The following CAMK1D variants were observed in gnomAD, a reference collection of about 807,000 sequenced individuals.
The protein encoded by CAMK1D is calcium/calmodulin-dependent protein kinase type 1D.
CAMK1D carries 9 observed loss-of-function variants against 47.7 expected under a neutral mutation model. The ratio of observed to expected loss-of-function variants is 0.19; its 90% CI spans 0.11 to 0.33. The LOEUF (loss-of-function observed/expected upper bound fraction) is 0.33, where lower values mean the gene tolerates loss of function less well. Ranked by LOEUF, CAMK1D falls within the 10% of genes least tolerant of loss-of-function variation. The pLI is 1.00. For synonymous variants in CAMK1D, 184 were observed against 184.9 expected, an observed-to-expected ratio of 0.99 and a Z score of 0.04; for missense variants, 291 against 488.7, an observed-to-expected ratio of 0.60 and a Z score of 3.81.
chr10:12,763,121 G>T (rs1836582438), intron 4 of CAMK1D, among the ~76,000 whole-genome samples: 1 of 152,172 alleles, frequency 6.6e-6, no homozygotes, highest in Non-Finnish European at 1.5e-5. Flanking sequence ...TCCATCCTGT[G>T]GAGCCTTAAG....
intron 1 of CAMK1D, among the ~76,000 whole-genome samples, chr10:12,448,822 G>T (rs1016767570): frequency 1.1e-4 from 16 of 152,262 alleles, no homozygotes; most frequent in Middle Eastern, 6.8e-3. Flanking sequence ...TCCGGAAATG[G>T]AGTGTGATCA....
At chr10:12,702,001 AC>A (rs1459594729) in intron 3 of CAMK1D, among the ~76,000 whole-genome samples, 2 of 152,170 alleles carry the variant, frequency 1.3e-5, no homozygotes, top group Non-Finnish European at 2.9e-5. Flanking sequence ...AGTTATGAAG[AC>A]CCTGGAAGCA....
chr10:12,568,616 T>C (rs951158157), intron 2 of CAMK1D, among the ~76,000 whole-genome samples: 2 of 150,558 alleles, frequency 1.3e-5, no homozygotes, highest in Non-Finnish European at 2.9e-5. Flanking sequence ...TTCTTTCTTT[T>C]TTTTATTCAT....
chr10:12,466,782 A>T (rs1833604288), intron 1 of CAMK1D, among the ~76,000 whole-genome samples: 1 of 152,016 alleles, frequency 6.6e-6, no homozygotes, highest in Non-Finnish European at 1.5e-5. Context: ...TGTCTTGGGA[A>T]CGTTTTTTAT....
At chr10:12,813,555 G>A (rs1379848390) in intron 6 of CAMK1D, among the ~76,000 whole-genome samples, 4 of 152,144 alleles carry the variant, frequency 2.6e-5, no homozygotes, top group Admixed American at 2.0e-4. Flanking sequence ...TTTAGGGCGT[G>A]TGGGATTCTG....
At position 12,796,007 on chromosome 10, in the gene CAMK1D, C is replaced by A. The variant is rs564726755; in HGVS notation, c.641+4774C>A. 1.6e-4 allele frequency among the ~76,000 whole-genome samples: 25 copies of A among 152,358 alleles called. No homozygotes were observed. The South Asian group carries it at 1.7e-3, about 10-fold the overall frequency. Reference sequence around the variant, plus strand: ...ATAAGGTCCAAGGCACAAATTTTCTCAGTCAAGATGAACCTCAGCATCTCA... The same window carrying A: ...ATAAGGTCCAAGGCACAAATTTTCTAAGTCAAGATGAACCTCAGCATCTCA... On this transcript the variant is annotated intron_variant, in intron 6 of 10. Transcript: ENST00000619168.
chr10:12,585,203 T>G (rs1837780485), intron 2 of CAMK1D, among the ~76,000 whole-genome samples: 1 of 152,210 alleles, frequency 6.6e-6, no homozygotes, highest in South Asian at 2.1e-4. Flanking sequence ...GTTCCTGAAA[T>G]TTAAGGTCAT....
intron 1 of CAMK1D, among the ~76,000 whole-genome samples, chr10:12,532,433 C>A (rs560130928): frequency 1.3e-5 from 2 of 152,102 alleles, no homozygotes; most frequent in Non-Finnish European, 2.9e-5. Context: ...GCGCCCGCCA[C>A]TACGCCTGGC....
chr10:12,805,679 A>G (rs973516811), intron 6 of CAMK1D, among the ~76,000 whole-genome samples: 3 of 152,178 alleles, frequency 2.0e-5, no homozygotes, highest in Admixed American at 6.5e-5. Context: ...CAATAGGCCG[A>G]TATCTTTACA....
rs1478427233 is a variant in CAMK1D, at chr10:12,834,551, A to G, written c.*5664A>G. ...TATAAAGGGACAAACGGTTGCATTCACCCTTTGTACTATAACACCGCTTCT... is the reference window on the plus strand; with the variant it reads ...TATAAAGGGACAAACGGTTGCATTCGCCCTTTGTACTATAACACCGCTTCT... On this transcript the variant is annotated 3_prime_UTR_variant, in exon 11 of 11. Transcript: ENST00000619168. 4 of 151,374 alleles carry G rather than the reference A, an allele frequency of 2.6e-5. No homozygotes were observed. The highest frequency in any genetic ancestry group is 5.9e-5 in the Non-Finnish European group (4 of 67,886). The allele number at this position is 151,374 out of a possible 1,614,324, so 9.4% of individuals were successfully genotyped here.
intron 1 of CAMK1D, among the ~76,000 whole-genome samples, chr10:12,389,615 G>A (rs1838650719): frequency 6.6e-6 from 1 of 152,146 alleles, no homozygotes; most frequent in African/African-American, 2.4e-5. Flanking sequence ...CCTCTCGGAG[G>A]CTGGAGGGCC....
chr10:12,373,784 CAG>C (rs1361523514), intron 1 of CAMK1D, among the ~76,000 whole-genome samples: 4 of 150,410 alleles, frequency 2.7e-5, no homozygotes, highest in South Asian at 4.2e-4. Context: ...GTTAAGAGCT[CAG>C]GGGGCAGTCC....
chr10:12,693,537 G>A (rs1374264049), intron 3 of CAMK1D, among the ~76,000 whole-genome samples: 4 of 151,932 alleles, frequency 2.6e-5, no homozygotes, highest in Admixed American at 2.0e-4. Flanking sequence ...GGAGGCTGAG[G>A]TGGGAGGATC....
At chr10:12,451,329 A>T (rs1204429406) in intron 1 of CAMK1D, among the ~76,000 whole-genome samples, 1 of 152,194 alleles carries the variant, frequency 6.6e-6, no homozygotes, top group Admixed American at 6.5e-5. Flanking sequence ...GGTGCCCTCC[A>T]TCCCCTCCTG....
Position 12,365,029 on chromosome 10 carries a change from T to A in CAMK1D, c.92+15119T>A, listed in dbSNP as rs117781556. 3.6e-3 allele frequency among the ~76,000 whole-genome samples: 550 copies of A among 151,964 alleles called. 7 individuals are homozygous for A. The East Asian group carries it at 0.036, about 10-fold the overall frequency. ...TGGAGTTCAGTGGTGCGATCTTGAC[T>A]CTCTGGAACCTCTGCCTCCCAGGTT... is the stretch of plus-strand genomic sequence containing the variant. On this transcript the variant is annotated intron_variant, in intron 1 of 10. Transcript: ENST00000619168.
At chr10:12,650,832 C>T (rs1179677341) in intron 2 of CAMK1D, among the ~76,000 whole-genome samples, 1 of 152,178 alleles carries the variant, frequency 6.6e-6, no homozygotes, top group African/African-American at 2.4e-5. Context: ...CATCATCCCT[C>T]ACTCTACAAG....
chr10:12,645,660 C>T (rs1588727316), intron 2 of CAMK1D, among the ~76,000 whole-genome samples: 1 of 152,184 alleles, frequency 6.6e-6, no homozygotes, highest in Non-Finnish European at 1.5e-5. Flanking sequence ...TAGTCCTATG[C>T]AGAGATGGAG....
chr10:12,679,056 C>T (rs376264929), intron 3 of CAMK1D, among the ~76,000 whole-genome samples: 7 of 152,226 alleles, frequency 4.6e-5, no homozygotes, highest in South Asian at 2.1e-4. Context: ...CCACCGCACC[C>T]GGTCCAATAA....
At chr10:12,399,515 A>AT (rs967473355) in intron 1 of CAMK1D, among the ~76,000 whole-genome samples, 21 of 151,820 alleles carry the variant, frequency 1.4e-4, no homozygotes, top group African/African-American at 5.1e-4. Flanking sequence ...AAAAAAAAAA[A>AT]GAAGTTGAGG....
Sources: allele counts gnomAD v4.1 joint callset (sites outside exome capture counted in the v4.1 genomes callset), GRCh38; gene constraint gnomAD v4.1.1; transcripts MANE v1.5; gene names NCBI Gene and HGNC (gene_info 2026-07-23, HGNC 2026-07-21).